The following YWHAB variants were observed in gnomAD, a reference collection of about 807,000 sequenced individuals.
YWHAB encodes the protein tyrosine 3-monooxygenase/tryptophan 5-monooxygenase activation protein beta.
Under a neutral mutation model 28.5 loss-of-function variants are expected in YWHAB, and 2 were observed. That is an observed-to-expected ratio of 0.07 (90% CI 0.03 to 0.22). YWHAB has a LOEUF of 0.22. YWHAB is among the 10% of genes least tolerant of loss of function. The pLI is 1.00. For synonymous variants in YWHAB, 103 were observed against 104.7 expected, an observed-to-expected ratio of 0.98 and a Z score of 0.10; for missense variants, 148 against 297.1, an observed-to-expected ratio of 0.50 and a Z score of 3.69.
chr20:44,892,971 G>T (rs987651462), intron 1 of YWHAB, among the ~76,000 whole-genome samples: 1 of 152,088 alleles, frequency 6.6e-6, no homozygotes, highest in Non-Finnish European at 1.5e-5. Flanking sequence ...AATCGAGCAT[G>T]TTCTTTGCCT....
intron 3 of YWHAB, among the ~76,000 whole-genome samples, chr20:44,904,567 T>C (rs893246483): frequency 6.6e-6 from 1 of 152,106 alleles, no homozygotes; most frequent in Non-Finnish European, 1.5e-5. Context: ...TGCCCATTTT[T>C]CATATAAACT....
chr20:44,896,940 AT>A (rs1245768913), intron 1 of YWHAB, among the ~76,000 whole-genome samples: 1 of 152,236 alleles, frequency 6.6e-6, no homozygotes, highest in African/African-American at 2.4e-5. Context: ...AATTAAAAAT[AT>A]TTGAAACAGA....
chr20:44,907,212 A>G lies in YWHAB; in HGVS notation c.*774A>G, dbSNP rs2066663059. On this transcript the variant is annotated 3_prime_UTR_variant, in exon 6 of 6. Transcript: ENST00000353703. ...ATAGTGGAATCTACTTTCATTGTTA[A>G]CACTGAGCTAAAGAAAAAAAGCCGT... 1 of 152,252 alleles carries G rather than the reference A, an allele frequency of 6.6e-6. No individual in the cohort carries two copies. The highest frequency in any genetic ancestry group is 2.1e-4 in the South Asian group (1 of 4,832). 9.4% of individuals were successfully genotyped at this position (152,252 alleles called of 1,614,324 possible).
Position 44,901,817 on chromosome 20 carries a change from T to C in YWHAB, c.284T>C (p.Ile95Thr). 6.3e-7 allele frequency: 1 copy of C among 1,599,646 alleles called. No individual in the cohort carries two copies. The highest frequency in any genetic ancestry group is 8.6e-7 in the Non-Finnish European group (1 of 1,168,656). The change falls in exon 2 of 6, where the codon ATC (isoleucine) becomes ACC (threonine). Residue 95 changes from isoleucine (I) to threonine (T), a missense_variant. By Grantham distance (89) the Ile-to-Thr change is moderately conservative (BLOSUM62 -1). Coordinates refer to ENST00000353703, the MANE Select transcript of YWHAB (RefSeq NM_139323.4). Reference sequence around the variant, plus strand: ...AAGATAGAGGCAGAACTGCAGGACATCTGCAATGATGTTCTGGTAAGAGGC... The same window carrying C: ...AAGATAGAGGCAGAACTGCAGGACACCTGCAATGATGTTCTGGTAAGAGGC... ...REKIEAELQD[I>T]CNDVLELLDK...
chr20:44,897,220 A>G (rs1208552044), intron 1 of YWHAB, among the ~76,000 whole-genome samples: 1 of 152,244 alleles, frequency 6.6e-6, no homozygotes, highest in Non-Finnish European at 1.5e-5. Context: ...GGGGCCTAGT[A>G]GAGCTGAAGA....
At chr20:44,890,628 A>G (rs1326974922) in intron 1 of YWHAB, among the ~76,000 whole-genome samples, 1 of 149,026 alleles carries the variant, frequency 6.7e-6, no homozygotes, top group Non-Finnish European at 1.5e-5. Context: ...CTCCTGCCTC[A>G]GCCTCCTGAG....
intron 1 of YWHAB, among the ~76,000 whole-genome samples, chr20:44,888,005 C>T (rs1274191618): frequency 1.3e-5 from 2 of 152,108 alleles, no homozygotes; most frequent in Non-Finnish European, 1.5e-5. Flanking sequence ...TATTATAGGA[C>T]TTTATTTTGC....
At chr20:44,905,740 G>C in intron 4 of YWHAB, 1 of 337,700 alleles carries the variant, frequency 3.0e-6, no homozygotes, top group East Asian at 4.6e-5. Flanking sequence ...CAGAATGACT[G>C]TGCTAGGGTT....
At chr20:44,894,737 A>G (rs1045694220) in intron 1 of YWHAB, among the ~76,000 whole-genome samples, 1 of 152,206 alleles carries the variant, frequency 6.6e-6, no homozygotes, top group South Asian at 2.1e-4. Flanking sequence ...CCTGCGCCTC[A>G]TCTTCACAGC....
chr20:44,886,798 T>C (rs1214437366), intron 1 of YWHAB: 2 of 152,198 alleles, frequency 1.3e-5, no homozygotes, highest in African/African-American at 4.8e-5. Context: ...GTGGCAGCCT[T>C]GGTAAGCAAT....
At chr20:44,891,952 T>G (rs148822286) in intron 1 of YWHAB, among the ~76,000 whole-genome samples, 1 of 152,344 alleles carries the variant, frequency 6.6e-6, no homozygotes, top group South Asian at 2.1e-4. Context: ...TAGTGGGTGT[T>G]TTTTAGTGAG....
At chr20:44,893,219 G>A (rs2066573905) in intron 1 of YWHAB, among the ~76,000 whole-genome samples, 1 of 152,074 alleles carries the variant, frequency 6.6e-6, no homozygotes, top group African/African-American at 2.4e-5. Flanking sequence ...GGAAGGAATT[G>A]GGATAGAGGG....
intron 1 of YWHAB, among the ~76,000 whole-genome samples, chr20:44,892,091 C>T (rs1750324663): frequency 6.6e-6 from 1 of 152,146 alleles, no homozygotes; most frequent in Non-Finnish European, 1.5e-5. Context: ...CAGAGAGACT[C>T]CAGAACTAAA....
chr20:44,906,642 G>A lies in YWHAB; in HGVS notation c.*204G>A, dbSNP rs946967970. 10 of 384,642 alleles carry A rather than the reference G, an allele frequency of 2.6e-5. No individual in the cohort carries two copies. Among genetic ancestry groups the A allele is most frequent in the Non-Finnish European group, 4.8e-5 (10 of 209,836 alleles). The allele number at this position is 384,642 out of a possible 1,614,324, so 23.8% of individuals were successfully genotyped here. ...TCAGATTGGTCACATAAATGCCACG[G>A]CATTCCGAAGTTTTGATTTTGATTA... On this transcript the variant is annotated 3_prime_UTR_variant, in exon 6 of 6. Transcript: ENST00000353703.
chr20:44,894,370 C>A (rs1029424971), intron 1 of YWHAB, among the ~76,000 whole-genome samples: 1 of 152,146 alleles, frequency 6.6e-6, no homozygotes, highest in Non-Finnish European at 1.5e-5. Flanking sequence ...TAAAGAGTAT[C>A]TTGCTGACTT....
At position 44,899,921 on chromosome 20, in the gene YWHAB, C is replaced by G. The variant is rs183763386; in HGVS notation, c.-3-1610C>G. Reference sequence around the variant, plus strand: ...TCTTGTTATACACCCCTTTCTCTTGCAACCTATACCATATACAAAATTAGT... The same window carrying G: ...TCTTGTTATACACCCCTTTCTCTTGGAACCTATACCATATACAAAATTAGT... On this transcript the variant is annotated intron_variant, in intron 1 of 5. Coordinates refer to ENST00000353703, the MANE Select transcript of YWHAB (RefSeq NM_139323.4). 6.6e-5 allele frequency among the ~76,000 whole-genome samples: 10 copies of G among 152,334 alleles called. No individual in the cohort carries two copies. The East Asian group carries it at 1.9e-3, about 29-fold the overall frequency.
Position 44,906,441 on chromosome 20 carries a change from T to G in YWHAB, c.*3T>G. 6.2e-7 allele frequency: 1 copy of G among 1,611,408 alleles called. No individual in the cohort carries two copies. Among genetic ancestry groups the G allele is most frequent in the South Asian group, 1.1e-5 (1 of 90,980 alleles). Reference sequence around the variant, plus strand: ...ACGCTGGGGAGGGAGAGAACTAATGTTTCTCGTGCTTTGTGATCTGTTCAG... The same window carrying G: ...ACGCTGGGGAGGGAGAGAACTAATGGTTCTCGTGCTTTGTGATCTGTTCAG... On this transcript the variant is annotated 3_prime_UTR_variant, in exon 6 of 6. Transcript: ENST00000353703.
At chr20:44,895,457 G>A (rs892384196) in intron 1 of YWHAB, among the ~76,000 whole-genome samples, 12 of 152,136 alleles carry the variant, frequency 7.9e-5, no homozygotes, top group African/African-American at 2.9e-4. Flanking sequence ...CAAGACTAGA[G>A]GTAATTTAGG....
chr20:44,887,697 T>G (rs921940995), intron 1 of YWHAB: 1 of 152,214 alleles, frequency 6.6e-6, no homozygotes, highest in Non-Finnish European at 1.5e-5. Context: ...TTTTGCCCAT[T>G]CGGCTGTGGA....
Sources: allele counts gnomAD v4.1 joint callset (sites outside exome capture counted in the v4.1 genomes callset), GRCh38; gene constraint gnomAD v4.1.1; transcripts MANE v1.5; gene names NCBI Gene and HGNC (gene_info 2026-07-23, HGNC 2026-07-21).